PCDHGB6: variants seen among roughly 807,000 people sequenced by gnomAD.
The protein encoded by PCDHGB6 is protocadherin gamma-B6.
PCDHGB6 carries 51 observed loss-of-function variants against 59.1 expected under a neutral mutation model. The ratio of observed to expected loss-of-function variants is 0.86; its 90% CI spans 0.69 to 1.09. PCDHGB6 has a LOEUF of 1.09. Among genes scored for constraint, PCDHGB6 ranks in the 50% least tolerant of loss-of-function variants. The pLI is 0.00. For missense variants in PCDHGB6, 1,148 were observed against 1,205.1 expected, an observed-to-expected ratio of 0.95 and a Z score of 0.70; for synonymous variants, 466 against 495.1, an observed-to-expected ratio of 0.94 and a Z score of 0.78.
At chr5:141,457,107 A>G (rs2098908740) in intron 1 of PCDHGB6, among the ~76,000 whole-genome samples, 1 of 152,260 alleles carries the variant, frequency 6.6e-6, no homozygotes, top group African/African-American at 2.4e-5. Flanking sequence ...ATTAAGCAAA[A>G]TACGACAGCA....
chr5:141,421,064 G>A (rs2096543646), intron 1 of PCDHGB6: 2 of 593,294 alleles, frequency 3.4e-6, no homozygotes, highest in Non-Finnish European at 5.7e-6. Context: ...ACACAAAGCG[G>A]AATGAGATGG....
chr5:141,478,096 T>C (rs749277013), intron 1 of PCDHGB6: 1 of 1,614,074 alleles, frequency 6.2e-7, no homozygotes, highest in South Asian at 1.1e-5. Context: ...CCACCACTGC[T>C]ACCCTCACTG....
chr5:141,431,932 CT>C lies in PCDHGB6; in HGVS notation c.2418+21315del, dbSNP rs748715936. ...TCTGTTTCATCCAAGGAAATCTGCC[CT>C]TTAAATTAGAAAAATCTTACGGAAA... On this transcript the variant is annotated intron_variant, in intron 1 of 3. Transcript: ENST00000520790. The surrounding 1 kb of genome is among the most constrained non-coding windows in gnomAD (Gnocchi z 4.8). The C allele has an allele frequency of 6.2e-7, 1 of 1,614,172 alleles. No individual in the cohort carries two copies. Among genetic ancestry groups the C allele is most frequent in the Non-Finnish European group, 8.5e-7 (1 of 1,180,002 alleles).
At chr5:141,418,894 A>G (rs200182481) in intron 1 of PCDHGB6, 2 of 1,614,004 alleles carry the variant, frequency 1.2e-6, no homozygotes, top group East Asian at 4.5e-5. Context: ...ACAACAGCCC[A>G]GAAATAATCA....
At chr5:141,460,829 A>C (rs1242954704) in intron 1 of PCDHGB6, among the ~76,000 whole-genome samples, 1 of 151,944 alleles carries the variant, frequency 6.6e-6, no homozygotes, top group African/African-American at 2.4e-5. Flanking sequence ...ATACACACTT[A>C]AAGTAATGGC....
intron 1 of PCDHGB6, chr5:141,419,504 C>T (rs577411043): frequency 4.7e-5 from 75 of 1,612,298 alleles, no homozygotes; most frequent in South Asian, 2.7e-4. Flanking sequence ...TGTGAGCCTG[C>T]GCGTGTTGGT....
chr5:141,417,942 C>A (rs1324501154), intron 1 of PCDHGB6: 19 of 1,613,208 alleles, frequency 1.2e-5, no homozygotes, highest in Non-Finnish European at 1.5e-5. Flanking sequence ...TTCTACCCCA[C>A]GCTGTGTGAG....
At position 141,469,305 on chromosome 5, in the gene PCDHGB6, G is replaced by A. The variant is rs990437808; in HGVS notation, c.2419-25502G>A. Among the ~76,000 whole-genome samples the A allele has an allele frequency of 3.9e-5, 6 of 152,192 alleles. No homozygotes were observed. The South Asian group carries it at 6.2e-4, about 16-fold the overall frequency. On this transcript the variant is annotated intron_variant, in intron 1 of 3. Transcript: ENST00000520790. ...AAATAAAACAAAATAGACTGGGCACGATGGCTCACGCCTGTAATCCCACCA... is the reference window on the plus strand; with the variant it reads ...AAATAAAACAAAATAGACTGGGCACAATGGCTCACGCCTGTAATCCCACCA...
At chr5:141,458,987 C>A (rs2098958554) in intron 1 of PCDHGB6, among the ~76,000 whole-genome samples, 1 of 152,168 alleles carries the variant, frequency 6.6e-6, no homozygotes, top group Non-Finnish European at 1.5e-5. Context: ...CCTGCCTCAC[C>A]CTCCCAAAGT....
At position 141,489,049 on chromosome 5, in the gene PCDHGB6, T is replaced by G; in HGVS notation, c.2419-5758T>G. 2.1e-6 allele frequency: 1 copy of G among 477,660 alleles called. No homozygotes were observed. Among genetic ancestry groups the G allele is most frequent in the Non-Finnish European group, 3.7e-6 (1 of 272,910 alleles). 29.6% of individuals were successfully genotyped at this position (477,660 alleles called of 1,614,324 possible). On this transcript the variant is annotated intron_variant, in intron 1 of 3. Transcript: ENST00000520790. The surrounding 1 kb of genome is among the most constrained non-coding windows in gnomAD (Gnocchi z 4.5). ...CTCCAGCTCCCCAGCTCCACTCAAA[T>G]TCAGCTCCCCTCCCCCCTGCCCACC... is the stretch of plus-strand genomic sequence containing the variant.
In PCDHGB6 at chr5:141,432,172, C is replaced by G. The variant is rs562175068; in HGVS notation, c.2418+21552C>G. On this transcript the variant is annotated intron_variant, in intron 1 of 3. Transcript: ENST00000520790. This position sits in a 1 kb window ranked among gnomAD's most constrained non-coding sequence, Gnocchi z 6.0. ...AGAACAATCCCAGAGGAGTTTCCCTCGTCTCTGTGACCGCCCACGACCCCG... is the reference window on the plus strand; with the variant it reads ...AGAACAATCCCAGAGGAGTTTCCCTGGTCTCTGTGACCGCCCACGACCCCG... 9 of 1,614,034 alleles carry G rather than the reference C, an allele frequency of 5.6e-6. No homozygotes were observed. The highest frequency in any genetic ancestry group is 7.6e-6 in the Non-Finnish European group (9 of 1,180,046).
At chr5:141,478,108 G>A (rs1160328367) in intron 1 of PCDHGB6, 1 of 1,614,046 alleles carries the variant, frequency 6.2e-7, no homozygotes, top group Admixed American at 1.7e-5. Flanking sequence ...CCCTCACTGT[G>A]TCAGTAACCG....
Position 141,438,011 on chromosome 5 carries a change from G to T in PCDHGB6, c.2418+27391G>T, listed in dbSNP as rs189978786. On this transcript the variant is annotated intron_variant, in intron 1 of 3. Coordinates refer to ENST00000520790, the MANE Select transcript of PCDHGB6 (RefSeq NM_018926.3). ...CCACCTCAGCCTCCCAAATAGCTGAGATTACAGGTGTGAGCCACCATGCCC... is the reference window on the plus strand; with the variant it reads ...CCACCTCAGCCTCCCAAATAGCTGATATTACAGGTGTGAGCCACCATGCCC... 2.8e-3 allele frequency among the ~76,000 whole-genome samples: 432 copies of T among 152,220 alleles called. 1 individual carries two copies. The highest frequency in any genetic ancestry group is 0.021 in the Admixed American group (318 of 15,288).
chr5:141,421,397 C>T, intron 1 of PCDHGB6: 1 of 1,614,030 alleles, frequency 6.2e-7, no homozygotes, highest in Non-Finnish European at 8.5e-7. Context: ...GGGCTGGAGC[C>T]CCGGGAGCTG....
intron 1 of PCDHGB6, among the ~76,000 whole-genome samples, chr5:141,453,176 C>A (rs1225418058): frequency 6.6e-6 from 1 of 152,042 alleles, no homozygotes; most frequent in African/African-American, 2.4e-5. Flanking sequence ...TCCAGTGGTA[C>A]AATCACAGCT....
At position 141,408,797 on chromosome 5, in the gene PCDHGB6, C is replaced by A. The variant is rs965305130; in HGVS notation, c.595C>A (p.Leu199Ile). ...ATACCCAGAGTTATCTCTGGAGAAA[C>A]TCCTAGACCGGGAAGAACAGAGATC... ...GKYPELSLEK[L>I]LDREEQRSHS... The change falls in exon 1 of 4, where the codon CTC (leucine) becomes ATC (isoleucine). Residue 199 changes from leucine to isoleucine, a missense_variant. By Grantham distance (5) the Leu-to-Ile change is conservative (BLOSUM62 2). Coordinates refer to ENST00000520790, the MANE Select transcript of PCDHGB6 (RefSeq NM_018926.3). The A allele has an allele frequency of 6.2e-7, 1 of 1,612,958 alleles. No homozygotes were observed. Among genetic ancestry groups the A allele is most frequent in the African/African-American group, 1.3e-5 (1 of 74,978 alleles).
intron 1 of PCDHGB6, among the ~76,000 whole-genome samples, chr5:141,449,840 T>C (rs1367482819): frequency 6.6e-6 from 1 of 151,692 alleles, no homozygotes; most frequent in Non-Finnish European, 1.5e-5. Context: ...TTTTATATAA[T>C]TAAATTTTAA....
chr5:141,408,384 T>C lies in PCDHGB6; in HGVS notation c.182T>C (p.Val61Ala). 1.2e-6 allele frequency: 2 copies of C among 1,614,014 alleles called. No homozygotes were observed. Among genetic ancestry groups the C allele is most frequent in the Non-Finnish European group, 1.7e-6 (2 of 1,179,858 alleles). Residue 61 changes from valine to alanine, a missense_variant, in exon 1 of 4, where the codon GTG (valine) becomes GCG (alanine). Val to Ala is a moderately conservative substitution (Grantham distance 64). This residue lies in a region of PCDHGB6 where 307 missense variants were observed against 323.8 expected (regional missense o/e 0.95). Coordinates refer to ENST00000520790, the MANE Select transcript of PCDHGB6 (RefSeq NM_018926.3). ...GATCTAGGGCTCAGTGTCCTGGATG[T>C]GTCGGCTCGCAAGCTGCGAGTGAGC... ...AKDLGLSVLD[V>A]SARKLRVSAE... is the part of the protein sequence containing the mutation.
At chr5:141,499,908 G>T (rs903753761) in intron 2 of PCDHGB6, among the ~76,000 whole-genome samples, 1 of 151,980 alleles carries the variant, frequency 6.6e-6, no homozygotes, top group African/African-American at 2.4e-5. Flanking sequence ...GGCTGGTCTT[G>T]AACTCCTGGC....
Sources: allele counts gnomAD v4.1 joint callset (sites outside exome capture counted in the v4.1 genomes callset), GRCh38; gene constraint gnomAD v4.1.1; regional missense constraint gnomAD v4.1.1; non-coding constraint Gnocchi (gnomAD v3.1); transcripts MANE v1.5; gene names NCBI Gene and HGNC (gene_info 2026-07-23, HGNC 2026-07-21).